Variants in DDX4 observed in about 807,000 individuals in gnomAD.
The protein encoded by DDX4 is DEAD-box helicase 4.
In DDX4, 25 loss-of-function variants were observed where a neutral mutation model predicts 100.0. That is an observed-to-expected ratio of 0.25 (90% CI 0.18 to 0.35). The LOEUF (loss-of-function observed/expected upper bound fraction) is 0.35, where lower values mean the gene tolerates loss of function less well. DDX4 is among the 10% of genes least tolerant of loss of function. The pLI, the probability that DDX4 is intolerant of heterozygous loss-of-function variation, is 1.00. For missense variants in DDX4, 635 were observed against 882.4 expected, an observed-to-expected ratio of 0.72 and a Z score of 3.55; for synonymous variants, 259 against 275.7, an observed-to-expected ratio of 0.94 and a Z score of 0.60.
intron 3 of DDX4, among the ~76,000 whole-genome samples, chr5:55,748,839 A>G (rs1047133225): frequency 2.0e-5 from 3 of 152,226 alleles, no homozygotes; most frequent in Non-Finnish European, 1.5e-5. Context: ...ATATTCCCAC[A>G]TACATGATCG....
intron 16 of DDX4, among the ~76,000 whole-genome samples, chr5:55,792,327 TTTTTC>T (rs1742628127): frequency 6.6e-6 from 1 of 151,738 alleles, no homozygotes; most frequent in African/African-American, 2.4e-5. Flanking sequence ...TTTCTAGTCT[TTTTTC>T]TTAACAGTAT....
chr5:55,748,701 A>C (rs1053328810), intron 3 of DDX4, among the ~76,000 whole-genome samples: 1 of 152,154 alleles, frequency 6.6e-6, no homozygotes, highest in African/African-American at 2.4e-5. Context: ...AATGTAAGCC[A>C]AGCCAATACC....
chr5:55,788,837 G>A (rs934213060), intron 15 of DDX4, among the ~76,000 whole-genome samples: 5 of 151,804 alleles, frequency 3.3e-5, no homozygotes, highest in Admixed American at 6.6e-5. Flanking sequence ...AGGCCAAGAT[G>A]GGCAGATAGC....
intron 3 of DDX4, among the ~76,000 whole-genome samples, chr5:55,757,026 T>G (rs1759981806): frequency 2.0e-5 from 3 of 152,136 alleles, no homozygotes; most frequent in Admixed American, 1.3e-4. Flanking sequence ...GAAATAATTG[T>G]ATATTTTCCT....
At chr5:55,739,977 GCGA>G (rs1282211972) in intron 2 of DDX4, among the ~76,000 whole-genome samples, 2 of 151,938 alleles carry the variant, frequency 1.3e-5, no homozygotes, top group Admixed American at 6.5e-5. Flanking sequence ...CTGAGTTCAG[GCGA>G]CATTCTCAAA....
At chr5:55,785,259 C>CA (rs748731365) in intron 10 of DDX4, 38 bp from the exon 11 acceptor site, 88 of 1,440,106 alleles carry the variant, frequency 6.1e-5, no homozygotes, top group Non-Finnish European at 1.7e-5. Flanking sequence ...CACAGCCTTA[C>CA]ATCTTGACCG....
intron 18 of DDX4, among the ~76,000 whole-genome samples, chr5:55,802,887 G>T (rs1333216480): frequency 6.6e-6 from 1 of 151,890 alleles, no homozygotes; most frequent in Admixed American, 6.6e-5. Flanking sequence ...AGGTAATAAA[G>T]CCATTTAAAA....
At chr5:55,778,114 A>G (rs1407585633) in intron 7 of DDX4, among the ~76,000 whole-genome samples, 1 of 152,154 alleles carries the variant, frequency 6.6e-6, no homozygotes, top group East Asian at 1.9e-4. Context: ...ACCTATGATA[A>G]ATATATCATA....
At chr5:55,766,771 A>G (rs998492594) in intron 6 of DDX4, 7 of 722,222 alleles carry the variant, frequency 9.7e-6, no homozygotes, top group African/African-American at 5.5e-5. Flanking sequence ...GTTCCCAGAT[A>G]TTAAATATTA....
rs189633862 is a variant in DDX4 at position 55,770,341 on chromosome 5, G to C, written c.394+2401G>C. Among the ~76,000 whole-genome samples the C allele has an allele frequency of 3.7e-4, 57 of 152,244 alleles. 1 individual carries two copies. The East Asian group carries it at 0.01, about 27-fold the overall frequency. Reference sequence around the variant, plus strand: ...AATAGAGTCATTGGAAATTTGAGGGGGGAAGAAATTGTAGATTATTTTTTG... The same window carrying C: ...AATAGAGTCATTGGAAATTTGAGGGCGGAAGAAATTGTAGATTATTTTTTG... On this transcript the variant is annotated intron_variant, in intron 7 of 21. Coordinates refer to ENST00000505374, the MANE Select transcript of DDX4 (RefSeq NM_024415.3).
intron 3 of DDX4, among the ~76,000 whole-genome samples, chr5:55,753,468 G>T (rs1465331848): frequency 6.6e-6 from 1 of 152,126 alleles, no homozygotes; most frequent in South Asian, 2.1e-4. Flanking sequence ...GTTTGTCAAA[G>T]ATCAGATAGT....
In DDX4 at chr5:55,813,750, A is replaced by G. The variant is rs781741593; in HGVS notation, c.1693A>G (p.Ile565Val). The G allele has an allele frequency of 6.3e-7, 1 of 1,597,566 alleles. No homozygotes were observed. The change falls in exon 19 of 22, where the codon ATA (isoleucine) becomes GTA (valine). Residue 565 changes from isoleucine to valine, a missense_variant. Ile to Val is a conservative substitution (Grantham distance 29). This residue lies in a region of DDX4 where 115 missense variants were observed against 224.7 expected (regional missense o/e 0.51). Coordinates refer to ENST00000505374, the MANE Select transcript of DDX4 (RefSeq NM_024415.3). ...TGCAACTTTTCTTTGTCAAGAAAAA[A>G]TATCAACTACAAGTATTCATGGGTG... is the stretch of plus-strand genomic sequence containing the variant. ...FIATFLCQEKISTTSIHGDRE... is the reference protein window; with the variant it reads ...FIATFLCQEKVSTTSIHGDRE...
At chr5:55,793,040 G>GTA (rs1742683357) in intron 17 of DDX4, among the ~76,000 whole-genome samples, 1 of 147,726 alleles carries the variant, frequency 6.8e-6, no homozygotes, top group African/African-American at 2.5e-5. Flanking sequence ...GTGTGTGTGT[G>GTA]TGTGTGTGTG....
At chr5:55,806,772 G>A (rs1019793576) in intron 18 of DDX4, among the ~76,000 whole-genome samples, 2 of 152,152 alleles carry the variant, frequency 1.3e-5, no homozygotes, top group African/African-American at 2.4e-5. Flanking sequence ...GAATAAGTGC[G>A]GTGTGGTGCT....
chr5:55,814,571 ACCTCTGCTTCC>A (rs1208895529), intron 19 of DDX4, among the ~76,000 whole-genome samples: 1 of 151,732 alleles, frequency 6.6e-6, no homozygotes, highest in Non-Finnish European at 1.5e-5. Context: ...ATCTCAGCTC[ACCTCTGCTTCC>A]CCGGTTCAAG....
intron 18 of DDX4, among the ~76,000 whole-genome samples, chr5:55,802,530 T>G (rs1743385512): frequency 6.6e-6 from 1 of 152,206 alleles, no homozygotes; most frequent in South Asian, 2.1e-4. Flanking sequence ...TGATTCTGTC[T>G]GTTTCTAGAA....
At chr5:55,775,682 T>A (rs1431885189) in intron 7 of DDX4, among the ~76,000 whole-genome samples, 1 of 152,018 alleles carries the variant, frequency 6.6e-6, no homozygotes, top group African/African-American at 2.4e-5. Context: ...GATGTTCCAT[T>A]TTCTTTTATA....
Position 55,767,886 on chromosome 5 carries a change from A to C in DDX4, c.340A>C (p.Ser114Arg). Reference sequence around the variant, plus strand: ...ATGTTAAATTTTTATTGAAGAGTCTAGTAATGACTGCGAAGATAATCCAAC... The same window carrying C: ...ATGTTAAATTTTTATTGAAGAGTCTCGTAATGACTGCGAAGATAATCCAAC... ...GDSSGFWRES[S>R]NDCEDNPTRN... is the part of the protein sequence containing the mutation. Residue 114 changes from serine (S) to arginine (R), a missense_variant, in exon 7 of 22, where the codon AGT (serine) becomes CGT (arginine). By Grantham distance (110) the Ser-to-Arg change is moderately radical (BLOSUM62 -1). Around this residue, in one of 4 missense-constraint regions of DDX4, gnomAD observed 446 missense variants for 540.8 expected, o/e 0.82. Transcript: ENST00000505374. 1 of 1,613,680 alleles carries C rather than the reference A, an allele frequency of 6.2e-7. No homozygotes were observed. The highest frequency in any genetic ancestry group is 8.5e-7 in the Non-Finnish European group (1 of 1,179,654).
At chr5:55,740,399 T>C (rs1159303217) in intron 2 of DDX4, among the ~76,000 whole-genome samples, 1 of 151,974 alleles carries the variant, frequency 6.6e-6, no homozygotes, top group East Asian at 1.9e-4. Flanking sequence ...ACTCCTGATC[T>C]CAGGTGATTC....
Sources: allele counts gnomAD v4.1 joint callset (sites outside exome capture counted in the v4.1 genomes callset), GRCh38; gene constraint gnomAD v4.1.1; regional missense constraint gnomAD v4.1.1; transcripts MANE v1.5; gene names NCBI Gene and HGNC (gene_info 2026-07-23, HGNC 2026-07-21).